Variants in CAMTA1 observed in about 807,000 individuals in gnomAD.
CAMTA1 encodes calmodulin binding transcription activator 1, also known as calmodulin-binding transcription activator 1.
Under a neutral mutation model 170.9 loss-of-function variants are expected in CAMTA1, and 27 were observed. The ratio of observed to expected loss-of-function variants is 0.16; its 90% confidence interval spans 0.12 to 0.22. The LOEUF is 0.22. Among genes scored for constraint, CAMTA1 ranks in the 10% least tolerant of loss-of-function variants. CAMTA1 has a pLI of 1.00. For missense variants in CAMTA1, 1,619 were observed against 2,217.2 expected, an observed-to-expected ratio of 0.73 and a Z score of 5.42; for synonymous variants, 833 against 891.5, an observed-to-expected ratio of 0.93 and a Z score of 1.17.
intron 6 of CAMTA1, among the ~76,000 whole-genome samples, chr1:7,486,659 A>G (rs1223116677): frequency 1.3e-5 from 2 of 152,144 alleles, no homozygotes; most frequent in Non-Finnish European, 2.9e-5. Flanking sequence ...GGCTTAGCTA[A>G]TCTCAGGCTC....
intron 6 of CAMTA1, among the ~76,000 whole-genome samples, chr1:7,623,285 A>C (rs775271210): frequency 9.9e-5 from 15 of 152,190 alleles, no homozygotes; most frequent in Non-Finnish European, 1.8e-4. Flanking sequence ...TGAATGAATG[A>C]ATGAATGAGG....
intron 5 of CAMTA1, among the ~76,000 whole-genome samples, chr1:7,334,561 G>A (rs1262431594): frequency 1.3e-5 from 2 of 152,186 alleles, no homozygotes; most frequent in Admixed American, 1.3e-4. Flanking sequence ...GGCAGCTTCC[G>A]GGGCTTTGCA....
At chr1:6,867,863 C>T (rs12093016) in intron 3 of CAMTA1, among the ~76,000 whole-genome samples, 9,768 of 151,874 alleles carry the variant, frequency 0.064, 342 homozygotes, top group Middle Eastern at 0.099. Context: ...TGGAATGCAG[C>T]GAGTGGCACA....
In CAMTA1 at chr1:7,498,695, GTA is replaced by G. The variant is rs574458952; in HGVS notation, c.510+30798_510+30799del. Among the ~76,000 whole-genome samples the G allele has an allele frequency of 5.6e-3, 821 of 146,706 alleles. 4 individuals are homozygous for G. Among genetic ancestry groups the G allele is most frequent in the Non-Finnish European group, 9.6e-3 (636 of 66,036 alleles). On this transcript the variant is annotated intron_variant, in intron 6 of 22. Transcript: ENST00000303635. ...ATTGAGTGCATGCATATGTATGTGT[GTA>G]TATGTGTGTGCACATGGGTGTACAT...
intron 22 of CAMTA1, among the ~76,000 whole-genome samples, chr1:7,763,251 CCTT>C (rs775934986): frequency 6.3e-4 from 96 of 152,246 alleles, no homozygotes; most frequent in South Asian, 2.7e-3. Flanking sequence ...CTCATTTTCC[CCTT>C]TTTTTTCTAA....
chr1:7,210,386 G>A (rs1658538717), intron 4 of CAMTA1, among the ~76,000 whole-genome samples: 1 of 152,126 alleles, frequency 6.6e-6, no homozygotes, highest in Non-Finnish European at 1.5e-5. Flanking sequence ...ATTTTGGCAG[G>A]AACACCACAG....
At chr1:6,959,318 G>A (rs1572037909) in intron 3 of CAMTA1, among the ~76,000 whole-genome samples, 1 of 152,344 alleles carries the variant, frequency 6.6e-6, no homozygotes, top group East Asian at 1.9e-4. Flanking sequence ...TGGGGCAGGT[G>A]GAGGGGTCCC....
At chr1:6,893,743 T>G (rs1675059979) in intron 3 of CAMTA1, among the ~76,000 whole-genome samples, 1 of 152,204 alleles carries the variant, frequency 6.6e-6, no homozygotes, top group African/African-American at 2.4e-5. Flanking sequence ...ATCCTTGCTT[T>G]TGTACCGTTC....
chr1:7,539,071 G>A (rs1375052191), intron 6 of CAMTA1, among the ~76,000 whole-genome samples: 1 of 152,250 alleles, frequency 6.6e-6, no homozygotes, highest in African/African-American at 2.4e-5. Flanking sequence ...CTCAGGGCCA[G>A]GGTTGCAAGC....
Position 7,286,514 on chromosome 1 carries a change from G to C in CAMTA1, c.438+36888G>C, listed in dbSNP as rs1306402573. Among the ~76,000 whole-genome samples, 3 of 152,186 alleles carry C rather than the reference G, an allele frequency of 2.0e-5. No individual in the cohort carries two copies. Among genetic ancestry groups the C allele is most frequent in the Non-Finnish European group, 4.4e-5 (3 of 68,026 alleles). ...TCAGGGTCGTCACCCTCACCCTGCT[G>C]TCATCCTCTGAGGCTGGGGAGATGT... On this transcript the variant is annotated intron_variant, in intron 5 of 22. Transcript: ENST00000303635. The surrounding 1 kb of genome is among the most constrained non-coding windows in gnomAD (Gnocchi z 4.2).
intron 11 of CAMTA1, among the ~76,000 whole-genome samples, chr1:7,718,242 G>A (rs931588751): frequency 3.0e-4 from 46 of 152,020 alleles, no homozygotes; most frequent in African/African-American, 1.1e-3. Flanking sequence ...TGGGTGTTCC[G>A]TAAACACAGT....
At position 7,023,612 on chromosome 1, in the gene CAMTA1, A is replaced by T. The variant is rs180847435; in HGVS notation, c.235-67692A>T. 7.2e-4 allele frequency among the ~76,000 whole-genome samples: 109 copies of T among 152,292 alleles called. No individual in the cohort carries two copies. In the East Asian group the frequency reaches 0.011, roughly 16 times the overall value. On this transcript the variant is annotated intron_variant, in intron 3 of 22. Transcript: ENST00000303635. ...TGGGATGAAACAAGTGGTTTTTTTT[A>T]AAAAAAGAATCAGTTATTCTAGAAA...
chr1:7,317,749 G>A (rs1396879852), intron 5 of CAMTA1, among the ~76,000 whole-genome samples: 2 of 152,218 alleles, frequency 1.3e-5, no homozygotes, highest in African/African-American at 4.8e-5. Flanking sequence ...ATGGAACACA[G>A]CCCTGGGCAA....
At chr1:7,026,352 G>A (rs913938615) in intron 3 of CAMTA1, among the ~76,000 whole-genome samples, 2 of 152,092 alleles carry the variant, frequency 1.3e-5, no homozygotes, top group African/African-American at 4.8e-5. Context: ...TATGTCCAGG[G>A]GGGGAGTCAT....
At chr1:6,996,156 A>G (rs1697219375) in intron 3 of CAMTA1, among the ~76,000 whole-genome samples, 1 of 152,230 alleles carries the variant, frequency 6.6e-6, no homozygotes, top group South Asian at 2.1e-4. Flanking sequence ...GAATAAACAG[A>G]CATCTTCATA....
At chr1:7,489,126 C>G (rs1029773899) in intron 6 of CAMTA1, among the ~76,000 whole-genome samples, 1 of 152,200 alleles carries the variant, frequency 6.6e-6, no homozygotes, top group African/African-American at 2.4e-5. Context: ...GCAAGAAAAC[C>G]AGGATGGCTA....
At chr1:7,523,722 C>CAAAA (rs70984089) in intron 6 of CAMTA1, among the ~76,000 whole-genome samples, 2 of 146,740 alleles carry the variant, frequency 1.4e-5, no homozygotes, top group African/African-American at 5.0e-5. Flanking sequence ...ACTAAATATA[C>CAAAA]AAAAAAAAAA....
intron 5 of CAMTA1, among the ~76,000 whole-genome samples, chr1:7,316,248 T>A (rs921398145): frequency 6.6e-6 from 1 of 152,170 alleles, no homozygotes; most frequent in African/African-American, 2.4e-5. Context: ...AACCATGTCA[T>A]CCTCCCTGGG....
intron 4 of CAMTA1, among the ~76,000 whole-genome samples, chr1:7,149,275 A>G (rs17030373): frequency 0.42 from 63,347 of 152,100 alleles, 13,744 homozygotes; most frequent in Middle Eastern, 0.55. Context: ...TTCTGAGCAC[A>G]TGGGCCTTTT....
Sources: allele counts gnomAD v4.1 joint callset (sites outside exome capture counted in the v4.1 genomes callset), GRCh38; gene constraint gnomAD v4.1.1; non-coding constraint Gnocchi (gnomAD v3.1); transcripts MANE v1.5; gene names NCBI Gene and HGNC (gene_info 2026-07-23, HGNC 2026-07-21).